The following AKR1C2 variants were observed in gnomAD, a reference collection of about 807,000 sequenced individuals.
The protein encoded by AKR1C2 is aldo-keto reductase family 1 member C2, also known as 3-alpha-HSD3.
A neutral mutation model predicts 39.8 loss-of-function variants in AKR1C2; 27 were observed. The observed-to-expected ratio is 0.68, with a 90% CI of 0.50 to 0.93. The LOEUF (loss-of-function observed/expected upper bound fraction) is 0.93, where lower values mean the gene tolerates loss of function less well. Among genes scored for constraint, AKR1C2 ranks in the 40% least tolerant of loss-of-function variants. The probability of loss-of-function intolerance (pLI) is 0.00; values close to 1 mark genes in which losing one functional copy is unlikely to be tolerated. For synonymous variants in AKR1C2, 114 were observed against 137.9 expected, an observed-to-expected ratio of 0.83 and a Z score of 1.22; for missense variants, 263 against 365.1, an observed-to-expected ratio of 0.72 and a Z score of 2.28.
chr10:4,993,942 T>C (rs1554772539), intron 7 of AKR1C2, among the ~76,000 whole-genome samples: 2 of 151,744 alleles, frequency 1.3e-5, no homozygotes, highest in Admixed American at 6.6e-5. Flanking sequence ...TCCAAAAATA[T>C]TTTTAAAATA....
At chr10:5,015,162 T>C (rs1554775238) in intron 1 of AKR1C2, 1 of 152,272 alleles carries the variant, frequency 6.6e-6, no homozygotes, top group African/African-American at 2.4e-5. Context: ...CTAGTTCCTT[T>C]GGTTGCCCAG....
In AKR1C2 at chr10:5,015,575, A is replaced by G. The variant is rs552255155; in HGVS notation, c.-88+2325T>C. On this transcript the variant is annotated intron_variant, in intron 1 of 6. Transcript: ENST00000604507. ...GCATATGGACCCCCTATCTCTGTCA[A>G]TCCCACCCCCAGTGATTCACTGAGG... 3.3e-5 allele frequency among the ~76,000 whole-genome samples: 5 copies of G among 152,198 alleles called. No homozygotes were observed. The East Asian group carries it at 5.8e-4, about 18-fold the overall frequency.
In AKR1C2 at chr10:5,003,726, C is replaced by T. The variant is rs782035867; in HGVS notation, c.84+26G>A. The T allele has an allele frequency of 2.1e-5, 33 of 1,605,326 alleles. No individual in the cohort carries two copies. In the East Asian group the frequency reaches 4.5e-4, roughly 22 times the overall value. ...CCACTTACTCTAGCTCCTTTGAACT[C>T]TCAACACTAAAAATATTATTGTTAC... On this transcript the variant is annotated intron_variant, in intron 1 of 8. Transcript: ENST00000380753.
At chr10:4,997,515 G>C (rs1186747706) in intron 5 of AKR1C2, 4 of 254,654 alleles carry the variant, frequency 1.6e-5, no homozygotes, top group Non-Finnish European at 3.0e-5. Flanking sequence ...ACCTTGAAGA[G>C]GTTCTAGAAA....
At chr10:5,009,977 A>C (rs1193997035) in intron 1 of AKR1C2, among the ~76,000 whole-genome samples, 1 of 141,076 alleles carries the variant, frequency 7.1e-6, no homozygotes, top group Non-Finnish European at 1.5e-5. Flanking sequence ...TGCCTCCACC[A>C]CTCAATAAAA....
At chr10:5,016,928 G>T (rs1837653466) in intron 1 of AKR1C2, among the ~76,000 whole-genome samples, 1 of 152,200 alleles carries the variant, frequency 6.6e-6, no homozygotes, top group Non-Finnish European at 1.5e-5. Context: ...ACACATTGGG[G>T]CTAGCATCCT....
upstream of AKR1C2, chr10:5,017,985 G>A (rs1452067217): frequency 2.6e-5 from 4 of 151,974 alleles, no homozygotes; most frequent in Non-Finnish European, 2.9e-5. Flanking sequence ...AGAAGGTGGA[G>A]GTGCTACACA....
At chr10:5,013,776 C>G (rs1247584475) in intron 1 of AKR1C2, among the ~76,000 whole-genome samples, 1 of 152,174 alleles carries the variant, frequency 6.6e-6, no homozygotes, top group African/African-American at 2.4e-5. Context: ...GTCCATCAAC[C>G]TTATTGAGCA....
upstream of AKR1C2, among the ~76,000 whole-genome samples, chr10:5,008,818 A>G (rs1298469339): frequency 2.0e-5 from 3 of 152,256 alleles, no homozygotes; most frequent in African/African-American, 4.8e-5. Flanking sequence ...TATTTTCTCA[A>G]CAAATACATA....
chr10:4,997,322 A>G (rs797029409), intron 5 of AKR1C2: 4 of 152,460 alleles, frequency 2.6e-5, no homozygotes, highest in African/African-American at 9.6e-5. Flanking sequence ...AAAAAAGAAG[A>G]GCTACAAAAG....
intron 1 of AKR1C2, among the ~76,000 whole-genome samples, chr10:5,011,440 A>G (rs1837520580): frequency 6.6e-6 from 1 of 152,242 alleles, no homozygotes; most frequent in African/African-American, 2.4e-5. Context: ...ACAAATCCAA[A>G]AATAAAATAA....
chr10:5,000,387 G>T, intron 3 of AKR1C2, 163 bp downstream of exon 3: 1 of 1,555,362 alleles, frequency 6.4e-7, no homozygotes, highest in Non-Finnish European at 8.7e-7. Flanking sequence ...ATTCAAAATT[G>T]CTTTCTGTTC....
At chr10:5,013,758 A>G (rs7099721) in intron 1 of AKR1C2, 96,287 of 152,088 alleles carry the variant, frequency 0.63, 31,549 homozygotes, top group African/African-American at 0.71. Context: ...ATAGTTTATT[A>G]GCATTAAGTC....
At position 5,001,372 on chromosome 10, in the gene AKR1C2, A is replaced by C. The variant is rs1330425141; in HGVS notation, c.252+142T>G. On this transcript the variant is annotated intron_variant, in intron 2 of 8. Coordinates refer to ENST00000380753, the MANE Select transcript of AKR1C2 (RefSeq NM_001393392.1). ...ATCTTCACTTCCTGCCTTTGATATT[A>C]GTTTTAATACATGAGTAAGTGTGAA... The C allele has an allele frequency of 2.1e-5, 29 of 1,409,924 alleles. No homozygotes were observed. In the African/African-American group the frequency reaches 3.9e-4, roughly 19 times the overall value. 87.3% of individuals were successfully genotyped at this position (1,409,924 alleles called of 1,614,324 possible). A position where few individuals can be genotyped will look rare whatever the true frequency, so the allele number is the denominator to read the frequency against.
chr10:5,003,612 C>T, intron 1 of AKR1C2, 140 bp downstream of exon 1: 1 of 977,622 alleles, frequency 1.0e-6, no homozygotes. Flanking sequence ...GACCCTGTGA[C>T]AAGACGGCAT....
At chr10:4,992,568 T>C (rs12258087) in intron 7 of AKR1C2, among the ~76,000 whole-genome samples, 23,676 of 152,130 alleles carry the variant, frequency 0.16, 1,994 homozygotes, top group East Asian at 0.3. Context: ...TGAATGTAGG[T>C]AAGAAGATTT....
rs185912208 is a variant in AKR1C2, at chr10:5,001,044, G to C, written c.253-378C>G. Reference sequence around the variant, plus strand: ...TCTTTGTGGTTTGGAAACTGAGGAGGCAAACACAGTTTTTAATATGTTAAC... The same window carrying C: ...TCTTTGTGGTTTGGAAACTGAGGAGCCAAACACAGTTTTTAATATGTTAAC... On this transcript the variant is annotated intron_variant, in intron 2 of 8. Coordinates refer to ENST00000380753, the MANE Select transcript of AKR1C2 (RefSeq NM_001393392.1). 3.3e-5 allele frequency among the ~76,000 whole-genome samples: 5 copies of C among 152,254 alleles called. 1 individual carries two copies. In the East Asian group the frequency reaches 7.7e-4, roughly 23 times the overall value.
Position 5,003,817 on chromosome 10 carries a change from A to G in AKR1C2, c.19T>C (p.Cys7Arg). 6.2e-7 allele frequency: 1 copy of G among 1,614,126 alleles called. No individual in the cohort carries two copies. Among genetic ancestry groups the G allele is most frequent in the Non-Finnish European group, 8.5e-7 (1 of 1,179,992 alleles). MDSKYQ[C>R]VKLNDGHFMP... ...AAGTGACCATCATTCAGCTTCACAC[A>G]CTGGTATTTCGAATCCATTTCTGTC... The change falls in exon 1 of 9, where the codon TGT becomes CGT. Residue 7 changes from cysteine to arginine, a missense_variant. By Grantham distance (180) the Cys-to-Arg change is radical. Coordinates refer to ENST00000380753, the MANE Select transcript of AKR1C2 (RefSeq NM_001393392.1).
At chr10:5,003,219 T>C (rs1419368025) in intron 1 of AKR1C2, among the ~76,000 whole-genome samples, 2 of 147,896 alleles carry the variant, frequency 1.4e-5, no homozygotes, top group Non-Finnish European at 3.0e-5. Context: ...TTTTTTTTTT[T>C]CTTAAAATGA....
Sources: allele counts gnomAD v4.1 joint callset (sites outside exome capture counted in the v4.1 genomes callset), GRCh38; gene constraint gnomAD v4.1.1; transcripts MANE v1.5; gene names NCBI Gene and HGNC (gene_info 2026-07-23, HGNC 2026-07-21).